The following SLC25A13 variants were observed in gnomAD, a reference collection of about 807,000 sequenced individuals.
SLC25A13 encodes solute carrier family 25 member 13, also known as electrogenic aspartate/glutamate antiporter SLC25A13, mitochondrial.
Under a neutral mutation model 85.5 loss-of-function variants are expected in SLC25A13, and 70 were observed. The ratio of observed to expected loss-of-function variants is 0.82; its 90% CI spans 0.68 to 1.00. SLC25A13 has a LOEUF of 1.00. Among genes scored for constraint, SLC25A13 ranks in the 50% least tolerant of loss-of-function variants. The pLI is 0.00. For synonymous variants in SLC25A13, 259 were observed against 288.7 expected (o/e 0.90, Z 1.04); for missense variants, 765 against 819.8 (o/e 0.93, Z 0.82).
chr7:96,189,270 G>A (rs763219531), intron 9 of SLC25A13, 24 bp downstream of exon 9: 1 of 1,608,446 alleles, frequency 6.2e-7, no homozygotes, highest in South Asian at 1.1e-5. Flanking sequence ...ACCCCAGAAT[G>A]CAAGTTTGCT....
At chr7:96,150,336 T>C (rs1424685416) in intron 13 of SLC25A13, among the ~76,000 whole-genome samples, 1 of 152,152 alleles carries the variant, frequency 6.6e-6, no homozygotes, top group Non-Finnish European at 1.5e-5. Flanking sequence ...AGGGTAGAAG[T>C]CATGAATATT....
At chr7:96,159,891 T>C (rs1793441260) in intron 13 of SLC25A13, among the ~76,000 whole-genome samples, 1 of 152,216 alleles carries the variant, frequency 6.6e-6, no homozygotes, top group Non-Finnish European at 1.5e-5. Context: ...TTACATGTTT[T>C]ACAAATATTA....
intron 14 of SLC25A13, among the ~76,000 whole-genome samples, chr7:96,133,781 A>G (rs1792141571): frequency 2.6e-5 from 4 of 151,648 alleles, no homozygotes; most frequent in Non-Finnish European, 5.9e-5. Flanking sequence ...CAAATAATCA[A>G]CTCAAATGAA....
chr7:96,271,586 C>G (rs1327363891), intron 3 of SLC25A13, among the ~76,000 whole-genome samples: 1 of 152,132 alleles, frequency 6.6e-6, no homozygotes, highest in Non-Finnish European at 1.5e-5. Context: ...GCCTGAGCAC[C>G]TTTTAGCTAC....
chr7:96,273,240 C>T lies in SLC25A13; in HGVS notation c.212+3956G>A, dbSNP rs764746548. Among the ~76,000 whole-genome samples the T allele has an allele frequency of 3.3e-5, 5 of 152,002 alleles. No individual in the cohort carries two copies. The South Asian group carries it at 8.3e-4, about 25-fold the overall frequency. ...GCCTGGATTTCAAAAGTCAATATCA[C>T]GAAAAACAATATAATATTTCTGTTC... On this transcript the variant is annotated intron_variant, in intron 3 of 17. Transcript: ENST00000265631.
At chr7:96,255,416 T>C (rs950553193) in intron 3 of SLC25A13, among the ~76,000 whole-genome samples, 8 of 152,258 alleles carry the variant, frequency 5.3e-5, no homozygotes, top group African/African-American at 9.6e-5. Flanking sequence ...CTAGGTGCGG[T>C]AGCTCACACT....
intron 13 of SLC25A13, among the ~76,000 whole-genome samples, chr7:96,158,088 G>A (rs1230755719): frequency 1.3e-5 from 2 of 152,122 alleles, no homozygotes; most frequent in African/African-American, 4.8e-5. Context: ...AAGGGTTCAG[G>A]AGCTCCAGTT....
chr7:96,187,792 T>C (rs550291827), intron 9 of SLC25A13, among the ~76,000 whole-genome samples: 5 of 152,328 alleles, frequency 3.3e-5, no homozygotes, highest in African/African-American at 1.2e-4. Flanking sequence ...TGCACAGTGC[T>C]GGACAGGCAG....
At chr7:96,212,297 G>A (rs1004357981) in intron 4 of SLC25A13, among the ~76,000 whole-genome samples, 4 of 152,180 alleles carry the variant, frequency 2.6e-5, no homozygotes, top group Admixed American at 2.6e-4. Context: ...TAGCTAGCTA[G>A]CAACCTTCTA....
At chr7:96,193,239 CA>C in intron 5 of SLC25A13, 56 bp from the exon 6 acceptor site, 3 of 1,582,618 alleles carry the variant, frequency 1.9e-6, no homozygotes. Context: ...ATAATTACTA[CA>C]AATGACAGTT....
At position 96,184,919 on chromosome 7, in the gene SLC25A13, T is replaced by C. The variant is rs2116631280; in HGVS notation, c.1018+8A>G. Reference sequence around the variant, plus strand: ...AAAGTGAAAATTTTTCTCTCATCCATGACTAACCTCCAGCAACAGAACCCA... The same window carrying C: ...AAAGTGAAAATTTTTCTCTCATCCACGACTAACCTCCAGCAACAGAACCCA... On this transcript the variant is annotated splice_region_variant and intron_variant, in intron 10 of 17. Transcript: ENST00000265631. 6.2e-7 allele frequency: 1 copy of C among 1,612,810 alleles called. No individual in the cohort carries two copies.
In SLC25A13 at chr7:96,193,144, G is replaced by C. The variant is rs111674765; in HGVS notation, c.508C>G (p.Arg170Gly). Residue 170 changes from arginine to glycine, a missense_variant, in exon 6 of 18, where the codon CGG becomes GGG. By Grantham distance (125) the Arg-to-Gly change is moderately radical (BLOSUM62 -2). Coordinates refer to ENST00000265631, the MANE Select transcript of SLC25A13 (RefSeq NM_014251.3). Reference protein sequence around the residue: ...LEHAKQAFVQRDNARTGRVTA... With the variant: ...LEHAKQAFVQGDNARTGRVTA... Reference sequence around the variant, plus strand: ...ACTCTCCCAGTCCTAGCATTGTCCCGTTGCACAAAGGCTTGCTTTGCGTGC... The same window carrying C: ...ACTCTCCCAGTCCTAGCATTGTCCCCTTGCACAAAGGCTTGCTTTGCGTGC... The C allele has an allele frequency of 1.9e-6, 3 of 1,613,892 alleles. No individual in the cohort carries two copies. Among genetic ancestry groups the C allele is most frequent in the Non-Finnish European group, 1.7e-6 (2 of 1,179,988 alleles).
At chr7:96,182,147 A>G (rs988361130) in intron 11 of SLC25A13, among the ~76,000 whole-genome samples, 1 of 152,248 alleles carries the variant, frequency 6.6e-6, no homozygotes, top group African/African-American at 2.4e-5. Context: ...GAAACTAAAG[A>G]GAACTGATCC....
rs148382884 is a variant in SLC25A13, at chr7:96,154,852, C to A, written c.1312-8156G>T. On this transcript the variant is annotated intron_variant, in intron 13 of 17. Coordinates refer to ENST00000265631, the MANE Select transcript of SLC25A13 (RefSeq NM_014251.3). ...TCTCTCTGTCACCCAGGCTGGAGTG[C>A]AGTGGCACAATCTTGGCTCAATGTA... 3.2e-3 allele frequency among the ~76,000 whole-genome samples: 482 copies of A among 149,184 alleles called. 1 individual carries two copies. Among genetic ancestry groups the A allele is most frequent in the African/African-American group, 0.011 (451 of 40,164 alleles).
At chr7:96,167,543 T>G (rs961016358) in intron 13 of SLC25A13, among the ~76,000 whole-genome samples, 3 of 152,208 alleles carry the variant, frequency 2.0e-5, no homozygotes, top group Non-Finnish European at 4.4e-5. Context: ...TGGTTACAAG[T>G]GCAAAAGTCA....
intron 3 of SLC25A13, among the ~76,000 whole-genome samples, chr7:96,235,630 AG>A (rs1456593067): frequency 6.6e-6 from 1 of 152,192 alleles, no homozygotes; most frequent in African/African-American, 2.4e-5. Flanking sequence ...TTCAGGCAGA[AG>A]GCTAATGCAA....
intron 4 of SLC25A13, among the ~76,000 whole-genome samples, chr7:96,223,455 A>AG (rs780982390): frequency 6.6e-6 from 1 of 152,160 alleles, no homozygotes; most frequent in Non-Finnish European, 1.5e-5. Context: ...TTGAATTTTC[A>AG]GGGGGTCTAC....
At chr7:96,127,931 G>A (rs977288407) in intron 15 of SLC25A13, among the ~76,000 whole-genome samples, 2 of 152,172 alleles carry the variant, frequency 1.3e-5, no homozygotes, top group Non-Finnish European at 2.9e-5. Flanking sequence ...AAGGGAATGT[G>A]GGGGCCTGAT....
chr7:96,130,893 C>T (rs1265441579), intron 15 of SLC25A13, among the ~76,000 whole-genome samples: 7 of 152,180 alleles, frequency 4.6e-5, no homozygotes. Context: ...CCCCAGGCTG[C>T]AGCCAGGGTA....
Sources: allele counts gnomAD v4.1 joint callset (sites outside exome capture counted in the v4.1 genomes callset), GRCh38; gene constraint gnomAD v4.1.1; transcripts MANE v1.5; gene names NCBI Gene and HGNC (gene_info 2026-07-23, HGNC 2026-07-21).